The following EXT2 variants were observed in gnomAD, a reference collection of about 807,000 sequenced individuals.
The protein encoded by EXT2 is exostosin-2.
A neutral mutation model predicts 81.6 loss-of-function variants in EXT2; 53 were observed. The observed-to-expected ratio is 0.65, with a 90% CI of 0.52 to 0.82. The LOEUF (loss-of-function observed/expected upper bound fraction) is 0.82, where lower values mean the gene tolerates loss of function less well. EXT2 is among the 40% of genes least tolerant of loss of function. EXT2 has a pLI of 0.00. For missense variants in EXT2, 774 were observed against 910.2 expected (o/e 0.85, Z 1.93); for synonymous variants, 320 against 340.0 (o/e 0.94, Z 0.65).
At chr11:44,191,287 A>G (rs1201204016) in intron 8 of EXT2, among the ~76,000 whole-genome samples, 1 of 152,250 alleles carries the variant, frequency 6.6e-6, no homozygotes, top group Non-Finnish European at 1.5e-5. Context: ...GAGGTGAGCA[A>G]GGCATTTTGG....
intron 10 of EXT2, among the ~76,000 whole-genome samples, chr11:44,214,931 G>A (rs1016174899): frequency 2.6e-5 from 4 of 151,872 alleles, no homozygotes; most frequent in African/African-American, 7.2e-5. Context: ...TTTTTGGCGG[G>A]GGGTGGGGGC....
intron 13 of EXT2, among the ~76,000 whole-genome samples, chr11:44,237,134 C>A (rs561062495): frequency 1.3e-5 from 2 of 152,098 alleles, no homozygotes; most frequent in Admixed American, 1.3e-4. Context: ...GTCAGGGGAC[C>A]AAAATGCACT....
intron 10 of EXT2, among the ~76,000 whole-genome samples, chr11:44,227,148 C>T (rs539214023): frequency 1.1e-4 from 16 of 152,316 alleles, no homozygotes; most frequent in South Asian, 4.1e-4. Flanking sequence ...TGTTGTTACA[C>T]CTTCCCCCTT....
chr11:44,218,793 CTTTTT>C (rs11368525), intron 10 of EXT2, among the ~76,000 whole-genome samples: 2 of 92,300 alleles, frequency 2.2e-5, no homozygotes, highest in Non-Finnish European at 1.9e-5. Context: ...ATCTGCAATT[CTTTTT>C]TTTTTTTTTT....
rs565161566 is a variant in EXT2, at chr11:44,201,779, T to C, written c.1495+3761T>C. Among the ~76,000 whole-genome samples, 3 of 152,308 alleles carry C rather than the reference T, an allele frequency of 2.0e-5. No homozygotes were observed. The South Asian group carries it at 6.2e-4, about 32-fold the overall frequency. ...TTTTCTTTCCTACCTCATTCTCCCT[T>C]CTCCTTCTACTGCTCCAGTCCTAAT... On this transcript the variant is annotated intron_variant, in intron 9 of 13. Transcript: ENST00000533608.
intron 10 of EXT2, among the ~76,000 whole-genome samples, chr11:44,215,686 T>C (rs1184965155): frequency 6.6e-6 from 1 of 152,204 alleles, no homozygotes; most frequent in Non-Finnish European, 1.5e-5. Context: ...TCTTCTTTTT[T>C]CTGTAGCCTT....
intron 8 of EXT2, among the ~76,000 whole-genome samples, chr11:44,184,474 G>A (rs549725978): frequency 4.4e-4 from 67 of 152,240 alleles, no homozygotes; most frequent in Non-Finnish European, 7.9e-4. Context: ...ATTGAGGGCC[G>A]GGCGCGGTGG....
chr11:44,201,208 A>C (rs1955518429), intron 9 of EXT2, among the ~76,000 whole-genome samples: 1 of 152,218 alleles, frequency 6.6e-6, no homozygotes, highest in Admixed American at 6.5e-5. Flanking sequence ...TAGGCTAAGC[A>C]ATAGAAGTTG....
intron 9 of EXT2, among the ~76,000 whole-genome samples, chr11:44,203,334 G>A (rs1955542643): frequency 6.6e-6 from 1 of 152,164 alleles, no homozygotes; most frequent in Admixed American, 6.5e-5. Flanking sequence ...AAACTTGGGA[G>A]AGCCCCTTCC....
intron 13 of EXT2, among the ~76,000 whole-genome samples, chr11:44,242,130 C>T (rs549579685): frequency 3.3e-5 from 5 of 152,238 alleles, no homozygotes; most frequent in Admixed American, 6.5e-5. Context: ...TGCCAAGAAC[C>T]AGGATTCTTC....
At chr11:44,117,846 T>C (rs1954244821) in intron 4 of EXT2, among the ~76,000 whole-genome samples, 1 of 152,078 alleles carries the variant, frequency 6.6e-6, no homozygotes, top group African/African-American at 2.4e-5. Flanking sequence ...ACTGCAGCCT[T>C]GAACCCCTGG....
chr11:44,219,331 A>G (rs1955756813), intron 10 of EXT2, among the ~76,000 whole-genome samples: 1 of 151,406 alleles, frequency 6.6e-6, no homozygotes, highest in South Asian at 2.1e-4. Context: ...GTGAGACCTC[A>G]TCTCTACTAA....
At position 44,108,101 on chromosome 11, in the gene EXT2, A is replaced by G. The variant is rs1954085958; in HGVS notation, c.389A>G (p.Tyr130Cys). 8.1e-6 allele frequency: 13 copies of G among 1,614,124 alleles called. No homozygotes were observed. Among genetic ancestry groups the G allele is most frequent in the South Asian group, 1.1e-5 (1 of 91,078 alleles). Reference protein sequence around the residue: ...VSVSNTISREYNELLMAISDS... With the variant: ...VSVSNTISRECNELLMAISDS... ...GTCAGCAACACCATCTCCCGGGAGT[A>G]TAATGAACTGCTCATGGCCATCTCA... Residue 130 changes from tyrosine (Y) to cysteine (C), a missense_variant, in exon 2 of 14, where the codon TAT becomes TGT. This residue lies in a region of EXT2 where 626 missense variants were observed against 670.5 expected (regional missense o/e 0.93). Coordinates refer to ENST00000533608, the MANE Select transcript of EXT2 (RefSeq NM_207122.2).
At chr11:44,109,420 C>T (rs1376510248) in intron 3 of EXT2, 137 bp downstream of exon 3, 1 of 859,686 alleles carries the variant, frequency 1.2e-6, no homozygotes, top group African/African-American at 1.7e-5. Flanking sequence ...AAGTATTTTC[C>T]TCCTGAAGAT....
At chr11:44,199,625 T>A (rs1444202431) in intron 9 of EXT2, among the ~76,000 whole-genome samples, 6 of 152,272 alleles carry the variant, frequency 3.9e-5, no homozygotes, top group Admixed American at 1.3e-4. Flanking sequence ...TTCTCCTTAT[T>A]ACTCCTGGTT....
chr11:44,103,426 A>G (rs1954013609), intron 1 of EXT2, among the ~76,000 whole-genome samples: 1 of 152,206 alleles, frequency 6.6e-6, no homozygotes. Context: ...AATAAAGCAA[A>G]TGTCAGTATT....
intron 5 of EXT2, among the ~76,000 whole-genome samples, chr11:44,126,064 T>C (rs1000153488): frequency 7.9e-5 from 12 of 152,212 alleles, no homozygotes; most frequent in Admixed American, 7.9e-4. Flanking sequence ...TTTTCCTCCT[T>C]CTTAAGAGGC....
chr11:44,216,002 G>A (rs1025530954), intron 10 of EXT2, among the ~76,000 whole-genome samples: 2 of 151,412 alleles, frequency 1.3e-5, no homozygotes, highest in Admixed American at 6.6e-5. Flanking sequence ...TCAACCTCCC[G>A]AGTAGCTGGG....
At chr11:44,128,991 T>A (rs906892916) in intron 6 of EXT2, among the ~76,000 whole-genome samples, 3 of 152,240 alleles carry the variant, frequency 2.0e-5, no homozygotes, top group Non-Finnish European at 4.4e-5. Context: ...GTTTAATCAT[T>A]AATTTATACA....
Sources: gnomAD v4.1 joint callset for allele counts (sites outside exome capture counted in the v4.1 genomes callset) on GRCh38, gnomAD v4.1.1 for gene constraint, gnomAD v4.1.1 regional missense constraint, MANE v1.5 for transcripts, NCBI Gene and HGNC (gene_info 2026-07-23, HGNC 2026-07-21) for gene names.